Variants in IQANK1 observed in about 807,000 individuals in gnomAD.
IQANK1 encodes the protein IQ motif and ankyrin repeat domain-containing protein 1.
A neutral mutation model predicts 22.6 loss-of-function variants in IQANK1; 30 were observed. The observed-to-expected ratio is 1.33, with a 90% CI of 0.99 to 1.80. The LOEUF (loss-of-function observed/expected upper bound fraction) is 1.80. IQANK1 is among the 40% of genes most tolerant of loss of function. IQANK1 has a pLI of 0.00. For synonymous variants in IQANK1, 122 were observed against 99.6 expected (o/e 1.23, Z -1.34); for missense variants, 275 against 235.2 (o/e 1.17, Z -1.11).
At chr8:143,739,521 G>T (rs1818836314) in intron 2 of IQANK1, 1 of 266,452 alleles carries the variant, frequency 3.8e-6, no homozygotes, top group East Asian at 7.8e-5. Flanking sequence ...ACAGTGTCAG[G>T]GGTGGGGCAG....
intron 3 of IQANK1, among the ~76,000 whole-genome samples, chr8:143,748,683 T>A (rs1229808508): frequency 1.1e-5 from 1 of 93,064 alleles, no homozygotes; most frequent in East Asian, 2.3e-4. Flanking sequence ...TAAATATATA[T>A]CATATATATC....
In IQANK1 at chr8:143,758,775, G is replaced by C. The variant is rs551832234; in HGVS notation, c.176-12713G>C. ...GAACCAGCACTGCCGGAGCCTCGCT[G>C]TGGTTTCTTCCTTCCCCGATGGGAC... On this transcript the variant is annotated intron_variant, in intron 3 of 13. Transcript: ENST00000527139. The surrounding 1 kb of genome is among the most constrained non-coding windows in gnomAD (Gnocchi z 4.2). The C allele has an allele frequency of 6.5e-6, 1 of 153,002 alleles. No homozygotes were observed. Among genetic ancestry groups the C allele is most frequent in the Non-Finnish European group, 1.5e-5 (1 of 68,518 alleles). The allele number at this position is 153,002 out of a possible 1,614,324, so 9.5% of individuals were successfully genotyped here.
At chr8:143,750,074 G>C (rs559285717) in intron 3 of IQANK1, among the ~76,000 whole-genome samples, 1 of 151,140 alleles carries the variant, frequency 6.6e-6, no homozygotes, top group East Asian at 1.9e-4. Context: ...GCACGTTCTC[G>C]GCTCACTGCA....
chr8:143,776,458 A>G (rs913648287), intron 7 of IQANK1, among the ~76,000 whole-genome samples: 1 of 152,350 alleles, frequency 6.6e-6, no homozygotes, highest in Non-Finnish European at 1.5e-5. Context: ...GACATTGGAC[A>G]TCAGGCAACA....
chr8:143,770,375 C>T (rs1819549540), intron 3 of IQANK1, among the ~76,000 whole-genome samples: 2 of 152,276 alleles, frequency 1.3e-5, no homozygotes, highest in Non-Finnish European at 2.9e-5. Flanking sequence ...ACTGTATTAT[C>T]TCTGTCCACT....
chr8:143,788,297 A>C, intron 7 of IQANK1, among the ~76,000 whole-genome samples: 1 of 151,422 alleles, frequency 6.6e-6, no homozygotes, highest in East Asian at 1.9e-4. Flanking sequence ...CCTCACTGTG[A>C]CCCCCTCCAA....
intron 7 of IQANK1, among the ~76,000 whole-genome samples, chr8:143,785,685 A>C (rs1245879924): frequency 2.0e-5 from 3 of 151,428 alleles, no homozygotes; most frequent in African/African-American, 7.3e-5. Flanking sequence ...CCAGCTTCCC[A>C]AGTAGCTAAG....
At chr8:143,756,932 C>T (rs933366955) in intron 3 of IQANK1, among the ~76,000 whole-genome samples, 53 of 151,366 alleles carry the variant, frequency 3.5e-4, no homozygotes, top group African/African-American at 1.2e-3. Flanking sequence ...GAGCTGTGAT[C>T]GCGCCACTGC....
At chr8:143,785,919 G>T (rs1554631303) in intron 7 of IQANK1, among the ~76,000 whole-genome samples, 1 of 152,000 alleles carries the variant, frequency 6.6e-6, no homozygotes, top group Non-Finnish European at 1.5e-5. Flanking sequence ...TAGAGACGGG[G>T]TTTCACCACG....
intron 3 of IQANK1, among the ~76,000 whole-genome samples, chr8:143,748,769 T>C (rs1163782958): frequency 8.8e-6 from 1 of 113,380 alleles, no homozygotes; most frequent in Non-Finnish European, 1.6e-5. Context: ...ATATATATAA[T>C]ATATAAATAT....
At chr8:143,754,636 T>A (rs12680066) in intron 3 of IQANK1, among the ~76,000 whole-genome samples, 31,563 of 151,610 alleles carry the variant, frequency 0.21, 3,700 homozygotes, top group East Asian at 0.51. Context: ...TATTATTATT[T>A]TTTTTTTGAG....
In IQANK1 at chr8:143,751,670, A is replaced by G. The variant is rs1221795048; in HGVS notation, c.175+11722A>G. ...TGTGTGTGTGTGTGTGTGTGTATAT[A>G]TATATATAAAATCCTATACAAAACA... On this transcript the variant is annotated intron_variant, in intron 3 of 13. Coordinates refer to ENST00000527139, the MANE Select transcript of IQANK1 (RefSeq NM_001381874.1). Among the ~76,000 whole-genome samples, 113 of 137,800 alleles carry G rather than the reference A, an allele frequency of 8.2e-4. 3 individuals are homozygous for G. Among genetic ancestry groups the G allele is most frequent in the African/African-American group, 3.0e-3 (112 of 37,372 alleles). The allele number at this position is 137,800 out of a possible 152,430, so 90.4% of individuals were successfully genotyped here.
chr8:143,759,191 G>A (rs538045898), intron 3 of IQANK1: 63 of 247,042 alleles, frequency 2.6e-4, no homozygotes, highest in African/African-American at 1.3e-3. Context: ...GCCAGCAGCC[G>A]TCACAGCAGC....
At chr8:143,781,237 A>G (rs1819792910) in intron 7 of IQANK1, among the ~76,000 whole-genome samples, 2 of 152,114 alleles carry the variant, frequency 1.3e-5, no homozygotes, top group Admixed American at 1.3e-4. Context: ...TGTCAGATGC[A>G]TAGTTTGCAG....
chr8:143,773,457 C>T (rs1007471477), intron 7 of IQANK1, among the ~76,000 whole-genome samples: 1 of 152,108 alleles, frequency 6.6e-6, no homozygotes, highest in Non-Finnish European at 1.5e-5. Flanking sequence ...AGACCACGAA[C>T]CTCGCCTACC....
chr8:143,752,246 G>A (rs61066116), intron 3 of IQANK1, among the ~76,000 whole-genome samples: 4,196 of 152,228 alleles, frequency 0.028, 189 homozygotes, highest in African/African-American at 0.095. Context: ...GATTACAGGC[G>A]TGAGCCACCA....
chr8:143,759,802 T>C (rs1288007444), intron 3 of IQANK1: 5 of 152,228 alleles, frequency 3.3e-5, no homozygotes, highest in African/African-American at 9.6e-5. Context: ...TTTGAGTTCA[T>C]TAACCTGGTA....
chr8:143,749,925 T>C (rs1197317829), intron 3 of IQANK1, among the ~76,000 whole-genome samples: 2 of 151,940 alleles, frequency 1.3e-5, no homozygotes, highest in African/African-American at 4.8e-5. Flanking sequence ...TTATATATTC[T>C]TGCTATATTG....
intron 7 of IQANK1, among the ~76,000 whole-genome samples, chr8:143,778,813 C>G (rs1178408954): frequency 1.3e-5 from 2 of 152,214 alleles, no homozygotes; most frequent in African/African-American, 4.8e-5. Flanking sequence ...GTCACCCAGG[C>G]TGGAGGGCAG....
Sources: allele counts gnomAD v4.1 joint callset (sites outside exome capture counted in the v4.1 genomes callset), GRCh38; gene constraint gnomAD v4.1.1; non-coding constraint Gnocchi (gnomAD v3.1); transcripts MANE v1.5; gene names NCBI Gene and HGNC (gene_info 2026-07-23, HGNC 2026-07-21).